ATP11B: variants seen among roughly 807,000 people sequenced by gnomAD.
The protein encoded by ATP11B is phospholipid-transporting ATPase IF.
Under a neutral mutation model 157.8 loss-of-function variants are expected in ATP11B, and 81 were observed. The ratio of observed to expected loss-of-function variants is 0.51; its 90% CI spans 0.43 to 0.62. ATP11B has a LOEUF of 0.62. Among genes scored for constraint, ATP11B ranks in the 20% least tolerant of loss-of-function variants. The pLI is 0.00. For missense variants in ATP11B, 1,165 were observed against 1,402.2 expected, an observed-to-expected ratio of 0.83 and a Z score of 2.70; for synonymous variants, 451 against 469.4, an observed-to-expected ratio of 0.96 and a Z score of 0.51.
At chr3:182,904,084 A>G (rs1724160440) in intron 28 of ATP11B, among the ~76,000 whole-genome samples, 1 of 152,206 alleles carries the variant, frequency 6.6e-6, no homozygotes, top group Non-Finnish European at 1.5e-5. Context: ...TCTTTCTGCA[A>G]GCCACTCTCC....
intron 1 of ATP11B, among the ~76,000 whole-genome samples, chr3:182,798,977 A>G (rs1156544198): frequency 6.6e-6 from 1 of 152,258 alleles, no homozygotes; most frequent in Non-Finnish European, 1.5e-5. Context: ...TTTCTGTTCT[A>G]CAGCATTGTT....
chr3:182,838,474 A>T (rs974683540), intron 7 of ATP11B, among the ~76,000 whole-genome samples: 1 of 152,102 alleles, frequency 6.6e-6, no homozygotes, highest in Non-Finnish European at 1.5e-5. Context: ...TTTTTTAAAT[A>T]AACACTTTCT....
At chr3:182,811,905 T>G (rs574491610) in intron 1 of ATP11B, among the ~76,000 whole-genome samples, 1 of 152,264 alleles carries the variant, frequency 6.6e-6, no homozygotes, top group Admixed American at 6.5e-5. Context: ...AAGTAGTTGG[T>G]TTTTGTTGTT....
intron 7 of ATP11B, among the ~76,000 whole-genome samples, chr3:182,840,918 G>A (rs1383826159): frequency 6.6e-6 from 1 of 152,108 alleles, no homozygotes; most frequent in African/African-American, 2.4e-5. Flanking sequence ...GCTTAACCCT[G>A]TAGTGGCTCA....
chr3:182,799,739 A>G (rs1033763109), intron 1 of ATP11B, among the ~76,000 whole-genome samples: 2 of 152,202 alleles, frequency 1.3e-5, no homozygotes, highest in African/African-American at 4.8e-5. Context: ...GTTTATAAAC[A>G]TAGTTGAAAG....
intron 29 of ATP11B, 66 bp downstream of exon 29, chr3:182,914,060 C>T: frequency 3.1e-6 from 5 of 1,591,782 alleles, no homozygotes; most frequent in Non-Finnish European, 3.4e-6. Flanking sequence ...GATGAACCTG[C>T]CGCTCTAGAT....
chr3:182,830,226 G>A (rs939980052), intron 4 of ATP11B, among the ~76,000 whole-genome samples: 1 of 152,032 alleles, frequency 6.6e-6, no homozygotes, highest in Non-Finnish European at 1.5e-5. Flanking sequence ...GGTGGGCTGA[G>A]GTGGGAGGAA....
intron 19 of ATP11B, 82 bp from the exon 20 acceptor site, chr3:182,879,414 G>C: frequency 8.3e-7 from 1 of 1,211,378 alleles, no homozygotes. Flanking sequence ...CCATCTTTCA[G>C]TAAGAATGTG....
At chr3:182,884,530 C>A (rs964289314) in intron 21 of ATP11B, among the ~76,000 whole-genome samples, 14 of 151,998 alleles carry the variant, frequency 9.2e-5, no homozygotes, top group African/African-American at 3.4e-4. Flanking sequence ...TTTTTATATT[C>A]TAATTCTTTG....
At chr3:182,830,806 A>G (rs1718076432) in intron 4 of ATP11B, among the ~76,000 whole-genome samples, 1 of 152,238 alleles carries the variant, frequency 6.6e-6, no homozygotes, top group Non-Finnish European at 1.5e-5. Context: ...CCACAGCTCT[A>G]AGTTCGATTT....
intron 1 of ATP11B, among the ~76,000 whole-genome samples, chr3:182,798,076 G>T (rs1715745111): frequency 6.6e-6 from 1 of 152,116 alleles, no homozygotes; most frequent in African/African-American, 2.4e-5. Flanking sequence ...GTTTGAGGCT[G>T]CAGTGAGCCA....
At chr3:182,872,593 C>T (rs1392317002) in intron 18 of ATP11B, 56 bp downstream of exon 18, 9 of 1,371,264 alleles carry the variant, frequency 6.6e-6, no homozygotes, top group Non-Finnish European at 8.9e-6. Flanking sequence ...TTTTTGTAAC[C>T]AAGTATTCTA....
chr3:182,841,442 T>C (rs1019837545), intron 7 of ATP11B, among the ~76,000 whole-genome samples: 3 of 152,134 alleles, frequency 2.0e-5, no homozygotes, highest in African/African-American at 7.2e-5. Context: ...AGAGTAAACA[T>C]TGTATACCCT....
intron 1 of ATP11B, among the ~76,000 whole-genome samples, chr3:182,810,402 T>C (rs1339681433): frequency 6.6e-6 from 1 of 152,222 alleles, no homozygotes; most frequent in Non-Finnish European, 1.5e-5. Flanking sequence ...ATTTCTCTGC[T>C]TAAAGTTTAA....
chr3:182,848,297 G>A (rs1049365087), intron 9 of ATP11B, among the ~76,000 whole-genome samples, 179 bp from the exon 10 acceptor site: 1 of 152,170 alleles, frequency 6.6e-6, no homozygotes, highest in East Asian at 1.9e-4. Context: ...TTGAGTGACT[G>A]GGGCTTCCCA....
intron 10 of ATP11B, among the ~76,000 whole-genome samples, chr3:182,852,698 A>T (rs1403417691): frequency 6.6e-6 from 1 of 152,378 alleles, no homozygotes; most frequent in East Asian, 1.9e-4. Flanking sequence ...TCTCCCGCAT[A>T]TACAAAAACT....
intron 1 of ATP11B, among the ~76,000 whole-genome samples, chr3:182,814,872 T>C (rs1716880768): frequency 6.6e-6 from 1 of 152,122 alleles, no homozygotes; most frequent in South Asian, 2.1e-4. Flanking sequence ...TTCAGTGTAA[T>C]GAAATCTATA....
chr3:182,802,850 C>A (rs1716095824), intron 1 of ATP11B, among the ~76,000 whole-genome samples: 1 of 152,134 alleles, frequency 6.6e-6, no homozygotes, highest in Non-Finnish European at 1.5e-5. Context: ...AACTCTGCAT[C>A]CCCTTTTAGG....
chr3:182,862,413 T>C (rs1720911884), intron 12 of ATP11B, among the ~76,000 whole-genome samples: 1 of 152,224 alleles, frequency 6.6e-6, no homozygotes, highest in African/African-American at 2.4e-5. Context: ...CTGCTAGAGC[T>C]GGCCATTGGA....
Sources: gnomAD v4.1 joint callset for allele counts (sites outside exome capture counted in the v4.1 genomes callset) on GRCh38, gnomAD v4.1.1 for gene constraint, MANE v1.5 for transcripts, NCBI Gene and HGNC (gene_info 2026-07-23, HGNC 2026-07-21) for gene names.